Variants in RASSF7 observed in about 807,000 individuals in gnomAD.
The protein encoded by RASSF7 is Ras association domain family member 7, also known as ras association domain-containing protein 7.
A neutral mutation model predicts 33.8 loss-of-function variants in RASSF7; 41 were observed. The observed-to-expected ratio is 1.21, with a 90% CI of 0.95 to 1.57. The LOEUF is 1.57. RASSF7 is among the 40% of genes most tolerant of loss of function. The pLI is 0.00. For synonymous variants in RASSF7, 298 were observed against 212.8 expected, an observed-to-expected ratio of 1.40 and a Z score of -3.48; for missense variants, 622 against 497.0, an observed-to-expected ratio of 1.25 and a Z score of -2.39.
At position 563,398 on chromosome 11, in the gene RASSF7, C is replaced by T. The variant is rs1314883794; in HGVS notation, c.954C>T (p.Gly318=). The T allele has an allele frequency of 8.1e-6, 13 of 1,611,300 alleles. No homozygotes were observed. Among genetic ancestry groups the T allele is most frequent in the Non-Finnish European group, 1.1e-5 (13 of 1,179,268 alleles). ...RPDRGPPGTQ[G]PLPPAREESL... is the part of the protein sequence containing the mutation. ...CAAGCTGACTTCCCAACCCACAGGG[C>T]CCTCTGCCTCCAGCCAGAGAGGAGT... is the stretch of plus-strand genomic sequence containing the variant. Residue 318 remains glycine (G), a splice_region_variant and synonymous_variant, in exon 5 of 6, where the codon GGC becomes GGT. Transcript: ENST00000397583.
At chr11:563,166 C>T (rs1010553893) in intron 3 of RASSF7, 23 bp from the exon 4 acceptor site, 95 of 1,547,476 alleles carry the variant, frequency 6.1e-5, no homozygotes, top group Non-Finnish European at 8.2e-5. Flanking sequence ...GCTGTGCCTC[C>T]TAAGGATCTC....
Position 563,724 on chromosome 11 carries a change from GGCAGTGGGAA to G in RASSF7, c.*82_*91del. ...GCGGTCACAGAGGGCTCCTCTGCCA[GGCAGTGGGAA>G]GCCCTGGGTTTGGCCTCAGGAGCTG... On this transcript the variant is annotated 3_prime_UTR_variant, in exon 6 of 6. Transcript: ENST00000397583. The G allele has an allele frequency of 7.4e-7, 1 of 1,349,434 alleles. No homozygotes were observed. Among genetic ancestry groups the G allele is most frequent in the Non-Finnish European group, 1.0e-6 (1 of 985,782 alleles). 83.6% of individuals were successfully genotyped at this position (1,349,434 alleles called of 1,614,324 possible).
chr11:561,780 A>C lies in RASSF7; in HGVS notation c.12A>C (p.Gly4=). Residue 4 remains glycine, a synonymous_variant, in exon 2 of 6, where the codon GGA becomes GGC. Transcript: ENST00000397583. ...CCCACAGGACAGGCATGTTGTTGGG[A>C]CTGGCGGCCATGGAGCTGAAGGTGT... MLL[G]LAAMELKVWV... 6.2e-7 allele frequency: 1 copy of C among 1,613,320 alleles called. No homozygotes were observed. The highest frequency in any genetic ancestry group is 8.5e-7 in the Non-Finnish European group (1 of 1,179,998).
chr11:561,002 C>G lies in RASSF7; in HGVS notation c.-483C>G. The G allele has an allele frequency of 2.9e-6, 3 of 1,035,896 alleles. No individual in the cohort carries two copies. Among genetic ancestry groups the G allele is most frequent in the Non-Finnish European group, 3.5e-6 (3 of 863,722 alleles). The allele number at this position is 1,035,896 out of a possible 1,614,324, so 64.2% of individuals were successfully genotyped here. On this transcript the variant is annotated 5_prime_UTR_variant, in exon 1 of 6. Coordinates refer to ENST00000397583, the MANE Select transcript of RASSF7 (RefSeq NM_003475.4). Reference sequence around the variant, plus strand: ...TGGGGGCGGCAGGTTGCGGCGGCGCCGGAGCGGGTCTCCAGGCTGGCGAGC... The same window carrying G: ...TGGGGGCGGCAGGTTGCGGCGGCGCGGGAGCGGGTCTCCAGGCTGGCGAGC...
chr11:561,803 T>G lies in RASSF7; in HGVS notation c.35T>G (p.Val12Gly), dbSNP rs1589838221. 1.2e-6 allele frequency: 2 copies of G among 1,612,842 alleles called. No homozygotes were observed. The highest frequency in any genetic ancestry group is 1.7e-6 in the Non-Finnish European group (2 of 1,179,906). The part of the protein sequence containing the change: ...LLGLAAMELK[V>G]WVDGIQRVVC... Reference sequence around the variant, plus strand: ...GGACTGGCGGCCATGGAGCTGAAGGTGTGGGTGGATGGCATCCAGCGTGTG... The same window carrying G: ...GGACTGGCGGCCATGGAGCTGAAGGGGTGGGTGGATGGCATCCAGCGTGTG... Residue 12 changes from valine (V) to glycine (G), a missense_variant, in exon 2 of 6, where the codon GTG (valine) becomes GGG (glycine). Physicochemically the swap from Val to Gly is moderately radical, Grantham distance 109. Coordinates refer to ENST00000397583, the MANE Select transcript of RASSF7 (RefSeq NM_003475.4).
At chr11:562,920 G>A (rs1402088791) in intron 3 of RASSF7, 144 bp downstream of exon 3, 3 of 788,778 alleles carry the variant, frequency 3.8e-6, no homozygotes, top group Middle Eastern at 3.8e-4. Flanking sequence ...GGCAGATATG[G>A]GGGTCACAGG....
chr11:563,386 C>T lies in RASSF7; in HGVS notation c.952-10C>T, dbSNP rs201053421. 245 of 1,610,526 alleles carry T rather than the reference C, an allele frequency of 1.5e-4. 1 individual carries two copies. In the Middle Eastern group the frequency reaches 5.3e-3, roughly 35 times the overall value. On this transcript the variant is annotated splice_polypyrimidine_tract_variant and intron_variant, in intron 4 of 5. Transcript: ENST00000397583. Reference sequence around the variant, plus strand: ...CCAGCCCCACTCCAAGCTGACTTCCCAACCCACAGGGCCCTCTGCCTCCAG... The same window carrying T: ...CCAGCCCCACTCCAAGCTGACTTCCTAACCCACAGGGCCCTCTGCCTCCAG...
Position 562,507 on chromosome 11 carries a change from C to G in RASSF7, c.553C>G (p.Arg185Gly). Residue 185 changes from arginine to glycine, a missense_variant, in exon 3 of 6, where the codon CGG becomes GGG. By Grantham distance (125) the Arg-to-Gly change is moderately radical (BLOSUM62 -2). Transcript: ENST00000397583. Reference sequence around the variant, plus strand: ...GCAAGAGCTGCGCCGGGAGCAGGCCCGGGAGCGAGAGGGACAGGCACGCCT... The same window carrying G: ...GCAAGAGCTGCGCCGGGAGCAGGCCGGGGAGCGAGAGGGACAGGCACGCCT... ...WEQELRREQAREREGQARLQA... is the reference protein window; with the variant it reads ...WEQELRREQAGEREGQARLQA... 6.5e-7 allele frequency: 1 copy of G among 1,549,752 alleles called. No individual in the cohort carries two copies. Among genetic ancestry groups the G allele is most frequent in the Non-Finnish European group, 8.7e-7 (1 of 1,146,898 alleles).
At position 563,740 on chromosome 11, in the gene RASSF7, G is replaced by C. The variant is rs1355238889; in HGVS notation, c.*95G>C. 3 of 1,240,310 alleles carry C rather than the reference G, an allele frequency of 2.4e-6. No homozygotes were observed. The highest frequency in any genetic ancestry group is 3.3e-6 in the Non-Finnish European group (3 of 897,044). The allele number at this position is 1,240,310 out of a possible 1,614,324, so 76.8% of individuals were successfully genotyped here. On this transcript the variant is annotated 3_prime_UTR_variant, in exon 6 of 6. Coordinates refer to ENST00000397583, the MANE Select transcript of RASSF7 (RefSeq NM_003475.4). ...CCTCTGCCAGGCAGTGGGAAGCCCT[G>C]GGTTTGGCCTCAGGAGCTGGGGGTG...
At position 561,358 on chromosome 11, in the gene RASSF7, C is replaced by T; in HGVS notation, c.-127C>T. 1.9e-6 allele frequency: 2 copies of T among 1,028,002 alleles called. No individual in the cohort carries two copies. The highest frequency in any genetic ancestry group is 2.3e-6 in the Non-Finnish European group (2 of 858,282). 63.7% of individuals were successfully genotyped at this position (1,028,002 alleles called of 1,614,324 possible). A position where few individuals can be genotyped will look rare whatever the true frequency, so the allele number is the denominator to read the frequency against. ...GCAGGGTCGAGGTCTGGGTTGCGAC[C>T]CCGAGCGCCTCTGCGGCCTGAGCAG... On this transcript the variant is annotated 5_prime_UTR_variant, in exon 1 of 6. Coordinates refer to ENST00000397583, the MANE Select transcript of RASSF7 (RefSeq NM_003475.4).
chr11:561,989 T>G, intron 2 of RASSF7, 90 bp from the exon 3 acceptor site: 1 of 1,552,136 alleles, frequency 6.4e-7, no homozygotes, highest in East Asian at 2.3e-5. Flanking sequence ...GTGGGGCTGG[T>G]TGCTGATCCT....
rs1853449165 is a variant in RASSF7, at chr11:563,799, C to T, written c.*154C>T. ...GACTGCCCTAGTCCTTGCCAGGTCG[C>T]CAGCACCCTGGAGAAGCATGGGGCG... On this transcript the variant is annotated 3_prime_UTR_variant, in exon 6 of 6. Coordinates refer to ENST00000397583, the MANE Select transcript of RASSF7 (RefSeq NM_003475.4). The T allele has an allele frequency of 1.4e-6, 1 of 715,102 alleles. No homozygotes were observed. The allele number at this position is 715,102 out of a possible 1,614,324, so 44.3% of individuals were successfully genotyped here.
chr11:562,103 T>G lies in RASSF7; in HGVS notation c.149T>G (p.Val50Gly). 1.3e-6 allele frequency: 2 copies of G among 1,530,598 alleles called. No homozygotes were observed. The highest frequency in any genetic ancestry group is 1.8e-6 in the Non-Finnish European group (2 of 1,138,456). 94.8% of individuals were successfully genotyped at this position (1,530,598 alleles called of 1,614,324 possible). A position where few individuals can be genotyped will look rare whatever the true frequency, so the allele number is the denominator to read the frequency against. The change falls in exon 3 of 6, where the codon GTG becomes GGG. Residue 50 changes from valine (V) to glycine (G), a missense_variant. By Grantham distance (109) the Val-to-Gly change is moderately radical. Transcript: ENST00000397583. ...AIGQTGRFVLVQRLREKERQL... is the reference protein window; with the variant it reads ...AIGQTGRFVLGQRLREKERQL... ...GGCCAGACTGGCCGCTTTGTGCTTGTGCAGCGGCTTCGGGAGAAGGAGCGG... is the reference window on the plus strand; with the variant it reads ...GGCCAGACTGGCCGCTTTGTGCTTGGGCAGCGGCTTCGGGAGAAGGAGCGG...
intron 1 of RASSF7, 21 bp from the exon 2 acceptor site, chr11:561,741 G>C (rs1027862187): frequency 6.2e-7 from 1 of 1,612,848 alleles, no homozygotes; most frequent in South Asian, 1.1e-5. Flanking sequence ...TCCTGACCCG[G>C]TGCCTGCGCC....
Position 562,162 on chromosome 11 carries a change from C to T in RASSF7, c.208C>T (p.Gln70Ter), listed in dbSNP as rs779685012. ...GCCACAAGAGTGTCCAGTGGGCGCCCAGGCCACCTGCGGACAGTTTGCCAG... is the reference window on the plus strand; with the variant it reads ...GCCACAAGAGTGTCCAGTGGGCGCCTAGGCCACCTGCGGACAGTTTGCCAG... ...LLPQECPVGA[Q>*]ATCGQFASDV... The change falls in exon 3 of 6, where the codon CAG becomes TAG. Residue 70 changes from glutamine (Q) to a stop codon, truncating the protein, a stop_gained. Transcript: ENST00000397583. LOFTEE classifies it high-confidence loss of function. 1 of 1,568,726 alleles carries T rather than the reference C, an allele frequency of 6.4e-7. No individual in the cohort carries two copies. The highest frequency in any genetic ancestry group is 1.2e-5 in the South Asian group (1 of 84,958).
Position 560,989 on chromosome 11 carries a change from G to A in RASSF7, c.-496G>A. On this transcript the variant is annotated 5_prime_UTR_variant, in exon 1 of 6. Transcript: ENST00000397583. ...TGCGCCGCGGCGCTGGGGGCGGCAG[G>A]TTGCGGCGGCGCCGGAGCGGGTCTC... 9.4e-7 allele frequency: 1 copy of A among 1,065,518 alleles called. No homozygotes were observed. Among genetic ancestry groups the A allele is most frequent in the Non-Finnish European group, 1.1e-6 (1 of 882,642 alleles). The allele number at this position is 1,065,518 out of a possible 1,614,324, so 66.0% of individuals were successfully genotyped here.
At position 562,351 on chromosome 11, in the gene RASSF7, G is replaced by A. The variant is rs752430080; in HGVS notation, c.397G>A (p.Ala133Thr). The A allele has an allele frequency of 2.5e-6, 4 of 1,601,724 alleles. No homozygotes were observed. Among genetic ancestry groups the A allele is most frequent in the East Asian group, 2.3e-5 (1 of 43,862 alleles). ...EPRKTLTPEP[A>T]PSLSRPGPAA... is the part of the protein sequence containing the mutation. ...CCGCAAAACACTGACCCCCGAGCCA[G>A]CCCCCAGCCTCTCACGCCCTGGGCC... The change falls in exon 3 of 6, where the codon GCC becomes ACC. Residue 133 changes from alanine (A) to threonine (T), a missense_variant. By Grantham distance (58) the Ala-to-Thr change is moderately conservative. Transcript: ENST00000397583.
chr11:561,057 A>C lies in RASSF7; in HGVS notation c.-428A>C. 1 of 991,586 alleles carries C rather than the reference A, an allele frequency of 1.0e-6. No individual in the cohort carries two copies. Among genetic ancestry groups the C allele is most frequent in the Non-Finnish European group, 1.2e-6 (1 of 834,598 alleles). 61.4% of individuals were successfully genotyped at this position (991,586 alleles called of 1,614,324 possible). A position where few individuals can be genotyped will look rare whatever the true frequency, so the allele number is the denominator to read the frequency against. Reference sequence around the variant, plus strand: ...AGGTGAGCCGCGCCGGGTCCCCGGTACTTGGGAGCGCGGGGCGCGCCTCGA... The same window carrying C: ...AGGTGAGCCGCGCCGGGTCCCCGGTCCTTGGGAGCGCGGGGCGCGCCTCGA... On this transcript the variant is annotated 5_prime_UTR_variant, in exon 1 of 6. Transcript: ENST00000397583.
rs545443458 is a variant in RASSF7 at position 563,870 on chromosome 11, T to C, written c.*225T>C. 4.9e-5 allele frequency: 29 copies of C among 590,934 alleles called. No homozygotes were observed. The highest frequency in any genetic ancestry group is 2.5e-4 in the Admixed American group (8 of 32,604). The allele number at this position is 590,934 out of a possible 1,614,324, so 36.6% of individuals were successfully genotyped here. ...AGGCCCCAAAGGCCACGACTGCCTGTTGGGGACAGGAGATGCATGGACAGT... is the reference window on the plus strand; with the variant it reads ...AGGCCCCAAAGGCCACGACTGCCTGCTGGGGACAGGAGATGCATGGACAGT... On this transcript the variant is annotated 3_prime_UTR_variant, in exon 6 of 6. Coordinates refer to ENST00000397583, the MANE Select transcript of RASSF7 (RefSeq NM_003475.4).
Sources: allele counts gnomAD v4.1 joint callset, GRCh38; gene constraint gnomAD v4.1.1; transcripts MANE v1.5; gene names NCBI Gene and HGNC (gene_info 2026-07-23, HGNC 2026-07-21).